The following LARGE2 variants were observed in gnomAD, a reference collection of about 807,000 sequenced individuals.
The protein encoded by LARGE2 is LARGE xylosyl- and glucuronyltransferase 2, also known as xylosyl- and glucuronyltransferase LARGE2.
Under a neutral mutation model 75.3 loss-of-function variants are expected in LARGE2, and 63 were observed. The ratio of observed to expected loss-of-function variants is 0.84; its 90% CI spans 0.68 to 1.03. The LOEUF (loss-of-function observed/expected upper bound fraction) is 1.03. Ranked by LOEUF, LARGE2 falls within the 50% of genes least tolerant of loss-of-function variation. The pLI is 0.00. For missense variants in LARGE2, 925 were observed against 980.6 expected, an observed-to-expected ratio of 0.94 and a Z score of 0.76; for synonymous variants, 428 against 420.1, an observed-to-expected ratio of 1.02 and a Z score of -0.23.
chr11:45,922,402 G>T (rs919737310), upstream of LARGE2, among the ~76,000 whole-genome samples: 8 of 152,136 alleles, frequency 5.3e-5, no homozygotes, highest in Non-Finnish European at 1.2e-4. Context: ...CAGAGCGGGG[G>T]CAGGGCAGGG....
Position 45,923,052 on chromosome 11 carries a change from C to T in LARGE2, c.170C>T (p.Pro57Leu). 2 of 1,417,462 alleles carry T rather than the reference C, an allele frequency of 1.4e-6. No individual in the cohort carries two copies. The highest frequency in any genetic ancestry group is 1.8e-6 in the Non-Finnish European group (2 of 1,088,232). 87.8% of individuals were successfully genotyped at this position (1,417,462 alleles called of 1,614,324 possible). A position where few individuals can be genotyped will look rare whatever the true frequency, so the allele number is the denominator to read the frequency against. ...CCCGGCCCGCTCATGCCACGTGTCC[C>T]CCCAGACGGGAGGCTGCGGAGAGCC... ...CFPGPLMPRV[P>L]PDGRLRRAAA... Residue 57 changes from proline (P) to leucine (L), a missense_variant, in exon 2 of 14, where the codon CCC (proline) becomes CTC (leucine). Around this residue, in one of 3 missense-constraint regions of LARGE2, gnomAD observed 453 missense variants for 460.2 expected, o/e 0.98. Transcript: ENST00000401752.
In LARGE2 at chr11:45,924,172, C is replaced by G. The variant is rs1029038652; in HGVS notation, c.387C>G (p.Leu129=). 1.2e-6 allele frequency: 2 copies of G among 1,612,208 alleles called. No individual in the cohort carries two copies. The highest frequency in any genetic ancestry group is 2.2e-5 in the South Asian group (2 of 91,078). Residue 129 remains leucine (L), a synonymous_variant, in exon 4 of 14, where the codon CTC becomes CTG. Coordinates refer to ENST00000401752, the MANE Select transcript of LARGE2 (RefSeq NM_001300721.2). ...MLFYRKNPLH[L]HLVTDAVARN... The stretch of plus-strand genomic sequence containing the variant: ...CCAAAAGGAAAAATCCACTGCACCT[C>G]CACTTGGTGACTGACGCCGTGGCCA...
chr11:45,922,859 C>T lies in LARGE2; in HGVS notation c.-24C>T. 8.0e-7 allele frequency: 1 copy of T among 1,251,674 alleles called. No homozygotes were observed. The highest frequency in any genetic ancestry group is 3.3e-5 in the South Asian group (1 of 30,668). The allele number at this position is 1,251,674 out of a possible 1,614,324, so 77.5% of individuals were successfully genotyped here. A position where few individuals can be genotyped will look rare whatever the true frequency, so the allele number is the denominator to read the frequency against. ...GCCTGCAGCCCCGGGTCGCGTCCCT[C>T]CCTGAGCGCCCCCGTCGGCGGCCAT... On this transcript the variant is annotated 5_prime_UTR_variant, in exon 2 of 14. Coordinates refer to ENST00000401752, the MANE Select transcript of LARGE2 (RefSeq NM_001300721.2).
chr11:45,923,330 C>T, intron 2 of LARGE2, 143 bp from the exon 3 acceptor site: 1 of 1,089,546 alleles, frequency 9.2e-7, no homozygotes, highest in Non-Finnish European at 1.3e-6. Flanking sequence ...GACCTCATTT[C>T]CCCATTTGAA....
Position 45,926,516 on chromosome 11 carries a change from G to A in LARGE2, c.1083G>A (p.Leu361=), listed in dbSNP as rs2087155478. 4 of 1,614,002 alleles carry A rather than the reference G, an allele frequency of 2.5e-6. No homozygotes were observed. The highest frequency in any genetic ancestry group is 3.4e-6 in the Non-Finnish European group (4 of 1,180,030). ...KHVEFFRNFY[L]TFLEYDGNLL... ...TGGAATTCTTCCGCAATTTCTACCT[G>A]ACCTTCCTGGAGTACGATGGGAACC... Residue 361 remains leucine (L), a synonymous_variant, in exon 9 of 14, where the codon CTG becomes CTA. Coordinates refer to ENST00000401752, the MANE Select transcript of LARGE2 (RefSeq NM_001300721.2).
chr11:45,924,417 C>A, intron 4 of LARGE2, 89 bp from the exon 5 acceptor site: 4 of 1,564,342 alleles, frequency 2.6e-6, no homozygotes, highest in Non-Finnish European at 2.6e-6. Flanking sequence ...TGGGGGTTTA[C>A]CCCCTCTCCT....
Position 45,928,982 on chromosome 11 carries a change from C to T in LARGE2, c.*137C>T. 1 of 1,184,608 alleles carries T rather than the reference C, an allele frequency of 8.4e-7. No homozygotes were observed. Among genetic ancestry groups the T allele is most frequent in the Non-Finnish European group, 1.2e-6 (1 of 849,516 alleles). The allele number at this position is 1,184,608 out of a possible 1,614,324, so 73.4% of individuals were successfully genotyped here. On this transcript the variant is annotated 3_prime_UTR_variant, in exon 14 of 14. Transcript: ENST00000401752. ...GAGCATCTGTGGGGTGGGGTCTTCC[C>T]CTTGCTGCTATTGTATGGCTGGGGA...
At chr11:45,925,900 C>A (rs752279633) in intron 6 of LARGE2, 139 bp from the exon 7 acceptor site, 46 of 747,646 alleles carry the variant, frequency 6.2e-5, no homozygotes, top group African/African-American at 3.7e-4. Flanking sequence ...ACAACAACAA[C>A]AAAAAACAAG....
In LARGE2 at chr11:45,926,817, C is replaced by T. The variant is rs147376210; in HGVS notation, c.1271C>T (p.Pro424Leu). The part of the protein sequence containing the change: ...RVHVTFLPHE[P>L]PPPRPHDVTL... The stretch of plus-strand genomic sequence containing the variant: ...CATGTCACTTTCCTGCCCCATGAAC[C>T]GCCACCCCCCCGGCCTCACGATGTC... Residue 424 changes from proline (P) to leucine (L), a missense_variant, in exon 10 of 14, where the codon CCG becomes CTG. Around this residue, in one of 3 missense-constraint regions of LARGE2, gnomAD observed 469 missense variants for 503.8 expected, o/e 0.93. Transcript: ENST00000401752. 1.6e-4 allele frequency: 265 copies of T among 1,613,438 alleles called. No individual in the cohort carries two copies. The African/African-American group carries it at 3.1e-3, about 19-fold the overall frequency.
chr11:45,922,903 C>G lies in LARGE2; in HGVS notation c.21C>G (p.Pro7=). The G allele has an allele frequency of 7.8e-7, 1 of 1,274,324 alleles. No homozygotes were observed. The highest frequency in any genetic ancestry group is 9.9e-7 in the Non-Finnish European group (1 of 1,015,218). 78.9% of individuals were successfully genotyped at this position (1,274,324 alleles called of 1,614,324 possible). A position where few individuals can be genotyped will look rare whatever the true frequency, so the allele number is the denominator to read the frequency against. The change falls in exon 2 of 14, where the codon CCC becomes CCG. Residue 7 remains proline (P), a synonymous_variant. Coordinates refer to ENST00000401752, the MANE Select transcript of LARGE2 (RefSeq NM_001300721.2). MLPRGR[P]RALGAAALLL... ...CGGCCATGCTGCCCCGAGGGCGCCCCCGGGCGCTGGGGGCCGCCGCGCTGT... is the reference window on the plus strand; with the variant it reads ...CGGCCATGCTGCCCCGAGGGCGCCCGCGGGCGCTGGGGGCCGCCGCGCTGT...
In LARGE2 at chr11:45,923,985, CAAAAAAAAAAAAAAAAAAAA is replaced by C. The variant is rs60577963; in HGVS notation, c.369-150_369-131del. ...TGGGCGACAGAGCGAGACTCCGTCT[CAAAAAAAAAAAAAAAAAAAA>C]AAAAAAAAAAAAAAAAAAGAACATC... On this transcript the variant is annotated intron_variant, in intron 3 of 13. Coordinates refer to ENST00000401752, the MANE Select transcript of LARGE2 (RefSeq NM_001300721.2). Among the ~76,000 whole-genome samples, 19 of 69,556 alleles carry C rather than the reference CAAAAAAAAAAAAAAAAAAAA, an allele frequency of 2.7e-4. 1 individual carries two copies. Among genetic ancestry groups the C allele is most frequent in the African/African-American group, 1.0e-3 (16 of 15,700 alleles). 45.6% of individuals were successfully genotyped at this position (69,556 alleles called of 152,430 possible).
chr11:45,927,494 A>G lies in LARGE2; in HGVS notation c.1505A>G (p.Asn502Ser), dbSNP rs2087213386. The change falls in exon 11 of 14, where the codon AAC becomes AGC. Residue 502 changes from asparagine to serine, a missense_variant. Asn to Ser is a conservative substitution (Grantham distance 46, BLOSUM62 1). This residue lies in a region of LARGE2 where 469 missense variants were observed against 503.8 expected (regional missense o/e 0.93). Transcript: ENST00000401752. ...VYREGPLYPVNQLRNVALAQA... is the reference protein window; with the variant it reads ...VYREGPLYPVSQLRNVALAQA... ...CGTGAGGGGCCCCTATACCCCGTCA[A>G]CCAGCTTCGCAACGTGGCCTTGGCC... 6.2e-7 allele frequency: 1 copy of G among 1,614,228 alleles called. No individual in the cohort carries two copies. The highest frequency in any genetic ancestry group is 8.5e-7 in the Non-Finnish European group (1 of 1,180,032).
intron 8 of LARGE2, 46 bp from the exon 9 acceptor site, chr11:45,926,395 AC>A (rs780618078): frequency 1.2e-6 from 2 of 1,613,050 alleles, no homozygotes; most frequent in African/African-American, 1.3e-5. Context: ...ATGGATGGAG[AC>A]TTCTGCTCCC....
chr11:45,923,464 C>G lies in LARGE2; in HGVS notation c.286-9C>G, dbSNP rs749344802. ...GGGGGCTGCTGCCGACCTGGGCGTC[C>G]CTCCCCAGCTCTTGCATGTGGCCAT... On this transcript the variant is annotated splice_polypyrimidine_tract_variant and intron_variant, in intron 2 of 13. Transcript: ENST00000401752. 1.2e-6 allele frequency: 2 copies of G among 1,612,980 alleles called. No homozygotes were observed. Among genetic ancestry groups the G allele is most frequent in the Admixed American group, 3.3e-5 (2 of 60,002 alleles).
intron 2 of LARGE2, 39 bp from the exon 3 acceptor site, chr11:45,923,434 A>G (rs113938769): frequency 0.21 from 316,287 of 1,531,770 alleles, 33,021 homozygotes; most frequent in South Asian, 0.22. Flanking sequence ...CGCCTAGCGG[A>G]GAAGGGGGGC....
rs1398087730 is a variant in LARGE2 at position 45,926,251 on chromosome 11, C to T, written c.912C>T (p.His304=). The T allele has an allele frequency of 6.2e-7, 1 of 1,614,184 alleles. No individual in the cohort carries two copies. Among genetic ancestry groups the T allele is most frequent in the Non-Finnish European group, 8.5e-7 (1 of 1,180,024 alleles). Reference sequence around the variant, plus strand: ...TCTTCAACGCTGTGATCAAGGAGCACCCGGGGCTAGTGCAGCGTCTGCCTT... The same window carrying T: ...TCTTCAACGCTGTGATCAAGGAGCATCCGGGGCTAGTGCAGCGTCTGCCTT... ...QDIFNAVIKE[H]PGLVQRLPCV... The change falls in exon 8 of 14, where the codon CAC becomes CAT. Residue 304 remains histidine (H), a synonymous_variant. Transcript: ENST00000401752.
At position 45,925,010 on chromosome 11, in the gene LARGE2, C is replaced by G. The variant is rs1408428568; in HGVS notation, c.769+121C>G. 4 of 582,298 alleles carry G rather than the reference C, an allele frequency of 6.9e-6. No individual in the cohort carries two copies. The East Asian group carries it at 1.2e-4, about 17-fold the overall frequency. 36.1% of individuals were successfully genotyped at this position (582,298 alleles called of 1,614,324 possible). A position where few individuals can be genotyped will look rare whatever the true frequency, so the allele number is the denominator to read the frequency against. Reference sequence around the variant, plus strand: ...GAAGAACATTGCTGTGAAAAGAACCCTGGATGAAGAGACAGACAGCAGTTC... The same window carrying G: ...GAAGAACATTGCTGTGAAAAGAACCGTGGATGAAGAGACAGACAGCAGTTC... On this transcript the variant is annotated intron_variant, in intron 6 of 13. Transcript: ENST00000401752.
At position 45,928,981 on chromosome 11, in the gene LARGE2, C is replaced by A; in HGVS notation, c.*136C>A. ...AGAGCATCTGTGGGGTGGGGTCTTC[C>A]CCTTGCTGCTATTGTATGGCTGGGG... On this transcript the variant is annotated 3_prime_UTR_variant, in exon 14 of 14. Transcript: ENST00000401752. The A allele has an allele frequency of 1.7e-6, 2 of 1,189,140 alleles. No homozygotes were observed. The highest frequency in any genetic ancestry group is 1.2e-6 in the Non-Finnish European group (1 of 853,310). 73.7% of individuals were successfully genotyped at this position (1,189,140 alleles called of 1,614,324 possible). A position where few individuals can be genotyped will look rare whatever the true frequency, so the allele number is the denominator to read the frequency against.
chr11:45,925,976 AC>A, intron 6 of LARGE2, 62 bp from the exon 7 acceptor site: 1 of 1,402,160 alleles, frequency 7.1e-7, no homozygotes, highest in Non-Finnish European at 9.8e-7. Flanking sequence ...CACCTTCATG[AC>A]CCCCATGTCC....
Sources: gnomAD v4.1 joint callset for allele counts (sites outside exome capture counted in the v4.1 genomes callset) on GRCh38, gnomAD v4.1.1 for gene constraint, gnomAD v4.1.1 regional missense constraint, MANE v1.5 for transcripts, NCBI Gene and HGNC (gene_info 2026-07-23, HGNC 2026-07-21) for gene names.